FOXK2: variants seen among roughly 807,000 people sequenced by gnomAD.
The protein encoded by FOXK2 is forkhead box K2, also known as forkhead box protein K2.
A neutral mutation model predicts 53.3 loss-of-function variants in FOXK2; 24 were observed. That is an observed-to-expected ratio of 0.45 (90% CI 0.33 to 0.63). FOXK2 has a LOEUF of 0.63. FOXK2 is among the 30% of genes least tolerant of loss of function. The probability of loss-of-function intolerance (pLI) is 0.03; values close to 1 mark genes in which losing one functional copy is unlikely to be tolerated. For synonymous variants in FOXK2, 505 were observed against 407.1 expected, an observed-to-expected ratio of 1.24 and a Z score of -2.89; for missense variants, 952 against 910.5, an observed-to-expected ratio of 1.05 and a Z score of -0.59.
chr17:82,588,412 GTTGGAGGGCTGGCTA>G lies in FOXK2; in HGVS notation c.1786+1150_1786+1164del, dbSNP rs1430299936. 4.2e-5 allele frequency: 7 copies of G among 165,866 alleles called. 1 individual carries two copies. The South Asian group carries it at 4.8e-4, about 11-fold the overall frequency. The allele number at this position is 165,866 out of a possible 1,614,324, so 10.3% of individuals were successfully genotyped here. ...AGGGCTGGCGATTGGAGGGCAGGCG[GTTGGAGGGCTGGCTA>G]TTGGAGGGCAGGCGGTTGGAGGGCT... On this transcript the variant is annotated intron_variant, in intron 8 of 8. Coordinates refer to ENST00000335255, the MANE Select transcript of FOXK2 (RefSeq NM_004514.4).
intron 4 of FOXK2, among the ~76,000 whole-genome samples, chr17:82,578,827 G>A (rs538436755): frequency 6.6e-6 from 1 of 152,348 alleles, no homozygotes; most frequent in East Asian, 1.9e-4. Flanking sequence ...TGGTGGTGGT[G>A]ACGCAGGGGC....
At chr17:82,543,033 T>C (rs1182113807) in intron 1 of FOXK2, among the ~76,000 whole-genome samples, 1 of 152,182 alleles carries the variant, frequency 6.6e-6, no homozygotes, top group East Asian at 1.9e-4. Flanking sequence ...CTTAACAGGT[T>C]ATTTACCTGG....
chr17:82,525,897 T>C (rs543442019), intron 1 of FOXK2, among the ~76,000 whole-genome samples: 3 of 152,326 alleles, frequency 2.0e-5, no homozygotes, highest in East Asian at 1.9e-4. Flanking sequence ...CCACACTTTC[T>C]TTCTTACGTG....
chr17:82,583,730 C>A (rs140519054), intron 5 of FOXK2, among the ~76,000 whole-genome samples: 2 of 152,302 alleles, frequency 1.3e-5, no homozygotes, highest in African/African-American at 4.8e-5. Flanking sequence ...ACCGTCAGTG[C>A]ACGGGAGCTG....
intron 1 of FOXK2, among the ~76,000 whole-genome samples, chr17:82,542,502 G>T (rs983616612): frequency 2.0e-5 from 3 of 151,954 alleles, no homozygotes; most frequent in African/African-American, 7.3e-5. Flanking sequence ...TACAGACAGG[G>T]TGTCACTGTC....
intron 1 of FOXK2, among the ~76,000 whole-genome samples, chr17:82,545,580 CTT>C (rs201487331): frequency 1.4e-5 from 2 of 139,628 alleles, no homozygotes. Context: ...TGTTGGAAGG[CTT>C]TTTTTTTTTT....
intron 1 of FOXK2, among the ~76,000 whole-genome samples, chr17:82,561,488 G>A (rs2044792897): frequency 6.6e-6 from 1 of 152,088 alleles, no homozygotes; most frequent in African/African-American, 2.4e-5. Flanking sequence ...AGGAGGCTCC[G>A]GTAAGGGGTT....
chr17:82,600,992 A>C, intron 8 of FOXK2: 1 of 282,086 alleles, frequency 3.5e-6, no homozygotes, highest in Non-Finnish European at 6.8e-6. Context: ...AAAATAGCCT[A>C]TTTATAGGAC....
At chr17:82,585,041 A>G (rs2045116801) in intron 6 of FOXK2, among the ~76,000 whole-genome samples, 1 of 152,244 alleles carries the variant, frequency 6.6e-6, no homozygotes, top group Admixed American at 6.5e-5. Flanking sequence ...GCCAGAGAAC[A>G]GCCCTCCCCT....
At chr17:82,586,628 A>G (rs1317437110) in intron 7 of FOXK2, among the ~76,000 whole-genome samples, 1 of 151,982 alleles carries the variant, frequency 6.6e-6, no homozygotes, top group Admixed American at 6.6e-5. Flanking sequence ...TTGGCCAGGT[A>G]CAGTGGCTCA....
chr17:82,601,203 TG>T, intron 8 of FOXK2, 99 bp from the exon 9 acceptor site: 2 of 1,258,270 alleles, frequency 1.6e-6, no homozygotes, highest in Non-Finnish European at 2.2e-6. Context: ...CATGAGAGCG[TG>T]GGGTTCTGAC....
intron 4 of FOXK2, among the ~76,000 whole-genome samples, chr17:82,576,295 G>A (rs1341366077): frequency 3.3e-5 from 5 of 152,024 alleles, no homozygotes; most frequent in Non-Finnish European, 1.5e-5. Context: ...ACCAGCGTGT[G>A]TGCTCGGGGA....
At chr17:82,596,121 A>C (rs2143169839) in intron 8 of FOXK2, 1 of 683,906 alleles carries the variant, frequency 1.5e-6, no homozygotes, top group Non-Finnish European at 1.8e-6. Context: ...GCGGCCACAG[A>C]CTGCGACCGC....
intron 1 of FOXK2, among the ~76,000 whole-genome samples, chr17:82,534,212 C>T (rs545514581): frequency 5.0e-4 from 76 of 152,064 alleles, no homozygotes; most frequent in African/African-American, 1.7e-3. Context: ...CACTATTGCA[C>T]TCAAGTCTGG....
At position 82,586,170 on chromosome 17, in the gene FOXK2, C is replaced by G. The variant is rs1446836411; in HGVS notation, c.1546C>G (p.Gln516Glu). The G allele has an allele frequency of 6.2e-7, 1 of 1,610,140 alleles. No homozygotes were observed. The highest frequency in any genetic ancestry group is 8.5e-7 in the Non-Finnish European group (1 of 1,179,092). ...AVLAPPKAEA[Q>E]ENGDHREVKV... The stretch of plus-strand genomic sequence containing the variant: ...GCTGGCCCCTCCTAAGGCAGAGGCC[C>G]AGGAGAATGGAGACCACAGGGAAGT... The change falls in exon 7 of 9, where the codon CAG becomes GAG. Residue 516 changes from glutamine to glutamate, a missense_variant. Gln to Glu is a conservative substitution (Grantham distance 29, BLOSUM62 2). This residue lies in a region of FOXK2 where 551 missense variants were observed against 385.1 expected (regional missense o/e 1.43). Transcript: ENST00000335255.
intron 6 of FOXK2, among the ~76,000 whole-genome samples, chr17:82,584,400 C>G (rs144465226): frequency 3.9e-5 from 6 of 152,000 alleles, no homozygotes; most frequent in South Asian, 2.1e-4. Flanking sequence ...TGAGTAGATG[C>G]CTGAAATAAC....
In FOXK2 at chr17:82,586,102, C is replaced by G. The variant is rs144577090; in HGVS notation, c.1478C>G (p.Thr493Arg). 7 of 1,612,622 alleles carry G rather than the reference C, an allele frequency of 4.3e-6. No individual in the cohort carries two copies. Among genetic ancestry groups the G allele is most frequent in the Non-Finnish European group, 5.1e-6 (6 of 1,179,966 alleles). ...TSVAGLAPAN[T>R]YTVSGQAVVT... ...GTGGCCGGACTGGCCCCAGCGAACA[C>G]GTACACTGTCTCTGGACAAGCTGTG... The change falls in exon 7 of 9, where the codon ACG becomes AGG. Residue 493 changes from threonine (T) to arginine (R), a missense_variant. Physicochemically the swap from Thr to Arg is moderately conservative, Grantham distance 71. Coordinates refer to ENST00000335255, the MANE Select transcript of FOXK2 (RefSeq NM_004514.4).
chr17:82,579,219 C>G (rs778381128), intron 4 of FOXK2, among the ~76,000 whole-genome samples: 5 of 152,184 alleles, frequency 3.3e-5, no homozygotes, highest in African/African-American at 4.8e-5. Flanking sequence ...AATCTACCTT[C>G]TACTTCACAC....
chr17:82,586,033 C>G lies in FOXK2; in HGVS notation c.1409C>G (p.Thr470Arg), dbSNP rs138412029. 6.2e-7 allele frequency: 1 copy of G among 1,612,836 alleles called. No individual in the cohort carries two copies. Among genetic ancestry groups the G allele is most frequent in the Non-Finnish European group, 8.5e-7 (1 of 1,180,002 alleles). ...ACCTCCCAGCCACCCGTCGTGCAGA[C>G]GGTTCACGTCGTCCACCAGATCCCA... ...TSTSQPPVVQ[T>R]VHVVHQIPAV... is the part of the protein sequence containing the mutation. The change falls in exon 7 of 9, where the codon ACG becomes AGG. Residue 470 changes from threonine (T) to arginine (R), a missense_variant. By Grantham distance (71) the Thr-to-Arg change is moderately conservative. Around this residue, in one of 5 missense-constraint regions of FOXK2, gnomAD observed 551 missense variants for 385.1 expected, o/e 1.43. Coordinates refer to ENST00000335255, the MANE Select transcript of FOXK2 (RefSeq NM_004514.4).
Sources: gnomAD v4.1 joint callset for allele counts (sites outside exome capture counted in the v4.1 genomes callset) on GRCh38, gnomAD v4.1.1 for gene constraint, gnomAD v4.1.1 regional missense constraint, MANE v1.5 for transcripts, NCBI Gene and HGNC (gene_info 2026-07-23, HGNC 2026-07-21) for gene names.